Variants in ZNF521 observed in about 807,000 individuals in gnomAD.
The protein encoded by ZNF521 is zinc finger protein 521.
ZNF521 carries 14 observed loss-of-function variants against 105.5 expected under a neutral mutation model. The ratio of observed to expected loss-of-function variants is 0.13; its 90% CI spans 0.09 to 0.21. The LOEUF is 0.21. ZNF521 is among the 10% of genes least tolerant of loss of function. The pLI is 1.00. For missense variants in ZNF521, 1,233 were observed against 1,629.7 expected (o/e 0.76, Z 4.19); for synonymous variants, 635 against 606.0 (o/e 1.05, Z -0.70).
At chr18:25,155,493 A>AAAGCC (rs1338305765) in intron 5 of ZNF521, among the ~76,000 whole-genome samples, 2 of 152,174 alleles carry the variant, frequency 1.3e-5, no homozygotes, top group Non-Finnish European at 2.9e-5. Context: ...AATCATTACC[A>AAAGCC]AAGCCAATGT....
chr18:25,122,031 A>G (rs555180459), intron 5 of ZNF521, among the ~76,000 whole-genome samples: 1 of 152,218 alleles, frequency 6.6e-6, no homozygotes, highest in Admixed American at 6.5e-5. Context: ...AAATTAGTAG[A>G]AAAAGACATT....
intron 3 of ZNF521, among the ~76,000 whole-genome samples, chr18:25,294,853 CAAAAAAA>C (rs34529787): frequency 1.7e-5 from 1 of 59,526 alleles, no homozygotes; most frequent in African/African-American, 7.6e-5. Context: ...GATTCTGTCT[CAAAAAAA>C]AAAAAAAAAA....
Position 25,340,431 on chromosome 18 carries a change from G to A in ZNF521, c.40+10476C>T, listed in dbSNP as rs537026707. On this transcript the variant is annotated intron_variant, in intron 2 of 7. Coordinates refer to ENST00000361524, the MANE Select transcript of ZNF521 (RefSeq NM_015461.3). Reference sequence around the variant, plus strand: ...TGACCTTGGCTCAAATGTTTTGGACGGCCAAAGGTAAATGGGTGGTCTTGA... The same window carrying A: ...TGACCTTGGCTCAAATGTTTTGGACAGCCAAAGGTAAATGGGTGGTCTTGA... Among the ~76,000 whole-genome samples, 8 of 152,020 alleles carry A rather than the reference G, an allele frequency of 5.3e-5. No individual in the cohort carries two copies. The East Asian group carries it at 9.7e-4, about 18-fold the overall frequency.
intron 1 of ZNF521, chr18:25,351,306 G>A (rs1187946828): frequency 6.7e-6 from 1 of 148,300 alleles, no homozygotes; most frequent in Non-Finnish European, 1.5e-5. Flanking sequence ...TGTTTGAAGA[G>A]CCGTCAGCTA....
intron 5 of ZNF521, among the ~76,000 whole-genome samples, chr18:25,097,100 G>C (rs536269808): frequency 6.6e-6 from 1 of 152,008 alleles, no homozygotes; most frequent in Non-Finnish European, 1.5e-5. Flanking sequence ...CTAGGGGTCC[G>C]AGGAGTAACA....
At chr18:25,241,351 G>C (rs751947056) in intron 3 of ZNF521, among the ~76,000 whole-genome samples, 19 of 152,196 alleles carry the variant, frequency 1.2e-4, no homozygotes, top group Non-Finnish European at 2.1e-4. Flanking sequence ...GAAAACTGTA[G>C]GCAGGAGATA....
chr18:25,120,780 C>A (rs2093368351), intron 5 of ZNF521, among the ~76,000 whole-genome samples: 1 of 152,004 alleles, frequency 6.6e-6, no homozygotes, highest in South Asian at 2.1e-4. Context: ...CAGATCAACC[C>A]CTTTAGAATT....
intron 5 of ZNF521, among the ~76,000 whole-genome samples, chr18:25,158,515 T>C (rs1383813124): frequency 6.6e-6 from 1 of 152,140 alleles, no homozygotes; most frequent in Non-Finnish European, 1.5e-5. Flanking sequence ...TTCTCTGATT[T>C]TTAGGGAAGA....
At chr18:25,168,161 C>T (rs1238398867) in intron 5 of ZNF521, among the ~76,000 whole-genome samples, 2 of 152,044 alleles carry the variant, frequency 1.3e-5, no homozygotes, top group Non-Finnish European at 2.9e-5. Flanking sequence ...TCCCTGTGGC[C>T]CGTCCCTCTA....
intron 5 of ZNF521, among the ~76,000 whole-genome samples, chr18:25,142,297 T>C (rs562083072): frequency 1.4e-4 from 22 of 152,306 alleles, no homozygotes; most frequent in Non-Finnish European, 2.6e-4. Flanking sequence ...TCACCAGGCA[T>C]AGCACCTGGG....
chr18:25,263,766 C>G (rs901960433), intron 3 of ZNF521, among the ~76,000 whole-genome samples: 2 of 152,046 alleles, frequency 1.3e-5, no homozygotes, highest in African/African-American at 4.8e-5. Context: ...TCAGTAGAGA[C>G]GAGGTTTCAC....
Position 25,195,153 on chromosome 18 carries a change from C to T in ZNF521, c.3658+7G>A, listed in dbSNP as rs2062339539. The T allele has an allele frequency of 6.3e-7, 1 of 1,595,606 alleles. No homozygotes were observed. On this transcript the variant is annotated splice_region_variant and intron_variant, in intron 5 of 7. Coordinates refer to ENST00000361524, the MANE Select transcript of ZNF521 (RefSeq NM_015461.3). ...CTATCTGTAATAAGGTTTAGAGTGT[C>T]ACTCACCAATCATGTGATTTGCAAC... is the stretch of plus-strand genomic sequence containing the variant.
intron 2 of ZNF521, among the ~76,000 whole-genome samples, chr18:25,324,860 T>C (rs1913127914): frequency 6.6e-6 from 1 of 152,224 alleles, no homozygotes. Context: ...TCTCAAAAGC[T>C]GAAGAACCGA....
chr18:25,085,240 TAA>T (rs1004170220), intron 7 of ZNF521, among the ~76,000 whole-genome samples: 12 of 149,552 alleles, frequency 8.0e-5, no homozygotes, highest in African/African-American at 2.2e-4. Flanking sequence ...TATATATATA[TAA>T]GTATAATATG....
intron 3 of ZNF521, among the ~76,000 whole-genome samples, chr18:25,311,998 T>A (rs528427701): frequency 3.3e-5 from 5 of 152,180 alleles, no homozygotes; most frequent in Non-Finnish European, 5.9e-5. Flanking sequence ...GTGAATAGAC[T>A]CATTTATTTT....
intron 3 of ZNF521, among the ~76,000 whole-genome samples, chr18:25,297,912 T>G (rs953101509): frequency 2.0e-5 from 3 of 152,178 alleles, no homozygotes; most frequent in Middle Eastern, 3.2e-3. Flanking sequence ...ATTCTTAGAC[T>G]TTTTGATTGA....
intron 3 of ZNF521, among the ~76,000 whole-genome samples, chr18:25,283,850 T>C (rs954904649): frequency 1.3e-5 from 2 of 151,904 alleles, no homozygotes; most frequent in South Asian, 2.1e-4. Flanking sequence ...ACGGAATCAG[T>C]TGAAGAAAAA....
At chr18:25,092,961 G>GT (rs2033777947) in intron 5 of ZNF521, among the ~76,000 whole-genome samples, 1 of 152,142 alleles carries the variant, frequency 6.6e-6, no homozygotes, top group Non-Finnish European at 1.5e-5. Flanking sequence ...TTGTGCAATT[G>GT]TAAGGTATAA....
At chr18:25,189,673 C>A (rs2035785674) in intron 5 of ZNF521, among the ~76,000 whole-genome samples, 1 of 152,220 alleles carries the variant, frequency 6.6e-6, no homozygotes, top group Non-Finnish European at 1.5e-5. Flanking sequence ...GTGGCCCACA[C>A]TCCATTTTAT....
Sources: allele counts gnomAD v4.1 joint callset (sites outside exome capture counted in the v4.1 genomes callset), GRCh38; gene constraint gnomAD v4.1.1; transcripts MANE v1.5; gene names NCBI Gene and HGNC (gene_info 2026-07-23, HGNC 2026-07-21).